The following IL13RA2 variants were observed in gnomAD, a reference collection of about 807,000 sequenced individuals.
IL13RA2 encodes interleukin-13 receptor subunit alpha-2.
In IL13RA2, 25 loss-of-function variants were observed where a neutral mutation model predicts 34.1. The observed-to-expected ratio is 0.73, with a 90% CI of 0.53 to 1.03. The LOEUF is 1.03. Ranked by LOEUF, IL13RA2 falls within the 50% of genes least tolerant of loss-of-function variation. The pLI is 0.00. For synonymous variants in IL13RA2, 106 were observed against 100.4 expected (o/e 1.06, Z -0.33); for missense variants, 297 against 280.9 (o/e 1.06, Z -0.41).
intron 8 of IL13RA2, among the ~76,000 whole-genome samples, chrX:115,006,749 CATGTAAAAT>C (rs1556507706): frequency 8.9e-6 from 1 of 111,831 alleles, no homozygotes. Flanking sequence ...GATAAGATTG[CATGTAAAAT>C]ACAGAAAAGA....
At chrX:115,010,519 GTCTC>G in intron 6 of IL13RA2, 121 bp downstream of exon 6, 1 of 387,987 alleles carries the variant, frequency 2.6e-6, no homozygotes, top group Non-Finnish European at 4.6e-6. Flanking sequence ...ATAGGTCTCT[GTCTC>G]TCTCTCTGTC....
At position 115,009,520 on chromosome X, in the gene IL13RA2, C is replaced by G; in HGVS notation, c.852+1G>C. ...TTCCCAAATAAATGCAATATTCATA[C>G]CACCAAGGTAGTATCATCTTCTCTG... On this transcript the variant is annotated splice_donor_variant, in intron 7 of 9. Transcript: ENST00000243213. LOFTEE classifies it high-confidence loss of function. 1 of 1,190,309 alleles carries G rather than the reference C, an allele frequency of 8.4e-7. No homozygotes were observed. The highest frequency in any genetic ancestry group is 1.1e-6 in the Non-Finnish European group (1 of 877,408).
chrX:115,009,393 G>T, intron 7 of IL13RA2, 128 bp downstream of exon 7: 1 of 478,452 alleles, frequency 2.1e-6, no homozygotes. Flanking sequence ...TGGCTTTCTG[G>T]AAATTGAACT....
At chrX:115,014,274 A>C in intron 4 of IL13RA2, 147 bp downstream of exon 4, 1 of 473,636 alleles carries the variant, frequency 2.1e-6, no homozygotes. Context: ...TTAAAAGGCT[A>C]ATCACCAACT....
At chrX:115,015,323 C>T (rs1219459725) in intron 3 of IL13RA2, among the ~76,000 whole-genome samples, 2 of 111,841 alleles carry the variant, frequency 1.8e-5, no homozygotes, top group Non-Finnish European at 3.8e-5. Flanking sequence ...TAGAAAAGGT[C>T]ACAGGTCAGT....
Position 115,010,757 on chromosome X carries a change from C to A in IL13RA2, c.593G>T (p.Arg198Ile). 1 of 1,111,691 alleles carries A rather than the reference C, an allele frequency of 9.0e-7. No individual in the cohort carries two copies. The highest frequency in any genetic ancestry group is 1.2e-6 in the Non-Finnish European group (1 of 811,519). 91.6% of individuals were successfully genotyped at this position (1,111,691 alleles called of 1,213,427 possible). Reference sequence around the variant, plus strand: ...GTCTGATGCCTCCAAATAGGGAAATCTGCATCCTATATTTTGTCCATCAGC... The same window carrying A: ...GTCTGATGCCTCCAAATAGGGAAATATGCATCCTATATTTTGTCCATCAGC... ...IKADGQNIGC[R>I]FPYLEASDYK... Residue 198 changes from arginine to isoleucine, a missense_variant, in exon 6 of 10, where the codon AGA (arginine) becomes ATA (isoleucine). Transcript: ENST00000243213.
chrX:115,015,582 T>C, intron 3 of IL13RA2, 88 bp downstream of exon 3: 1 of 795,816 alleles, frequency 1.3e-6, no homozygotes, highest in Non-Finnish European at 1.9e-6. Flanking sequence ...ACTATTGAGA[T>C]ATGGGAATTG....
intron 8 of IL13RA2, among the ~76,000 whole-genome samples, chrX:115,007,338 A>G (rs184032701): frequency 8.9e-6 from 1 of 111,987 alleles, no homozygotes; most frequent in East Asian, 2.8e-4. Flanking sequence ...ATTTCCTTCA[A>G]TTTTGAACAT....
Position 115,009,597 on chromosome X carries a change from C to G in IL13RA2, c.776G>C (p.Ser259Thr), listed in dbSNP as rs782010711. Residue 259 changes from serine (S) to threonine (T), a missense_variant, in exon 7 of 10, where the codon AGC becomes ACC. By Grantham distance (58) the Ser-to-Thr change is moderately conservative (BLOSUM62 1). Coordinates refer to ENST00000243213, the MANE Select transcript of IL13RA2 (RefSeq NM_000640.3). ...TGCTGGAATAGGTCCCAAAGGTATG[C>G]TCCATTTCAGCTTAATTTCACATGA... is the stretch of plus-strand genomic sequence containing the variant. Reference protein sequence around the residue: ...ESSCEIKLKWSIPLGPIPARC... With the variant: ...ESSCEIKLKWTIPLGPIPARC... 1 of 1,194,715 alleles carries G rather than the reference C, an allele frequency of 8.4e-7. No individual in the cohort carries two copies. Among genetic ancestry groups the G allele is most frequent in the South Asian group, 1.8e-5 (1 of 56,474 alleles).
At chrX:115,014,694 C>T in intron 3 of IL13RA2, 120 bp from the exon 4 acceptor site, 1 of 390,147 alleles carries the variant, frequency 2.6e-6, no homozygotes, top group Non-Finnish European at 4.3e-6. Context: ...TAAGACAATC[C>T]TAGAGACTAT....
chrX:115,010,296 C>T (rs1249696244), intron 6 of IL13RA2, among the ~76,000 whole-genome samples: 1 of 111,575 alleles, frequency 9.0e-6, no homozygotes, highest in Non-Finnish European at 1.9e-5. Context: ...TCTATTGAGG[C>T]CTGGGAAGAA....
chrX:115,014,850 A>G lies in IL13RA2; in HGVS notation c.247-276T>C, dbSNP rs184714863. ...AAAAAAACTTTATGGCAGAAACTTG[A>G]GCTATATCTGCTTGGAATCAAATAG... On this transcript the variant is annotated intron_variant, in intron 3 of 9. Transcript: ENST00000243213. Among the ~76,000 whole-genome samples the G allele has an allele frequency of 6.3e-5, 7 of 111,528 alleles. No individual in the cohort carries two copies. The East Asian group carries it at 2.0e-3, about 31-fold the overall frequency.
intron 9 of IL13RA2, 82 bp from the exon 10 acceptor site, chrX:115,004,188 A>G (rs2071676032): frequency 5.6e-6 from 3 of 534,826 alleles, no homozygotes; most frequent in Non-Finnish European, 9.7e-6. Context: ...GAGAATAAGC[A>G]CAAGAGCATT....
At chrX:115,017,335 T>A (rs782061287) in intron 1 of IL13RA2, 33 bp from the exon 2 acceptor site, 1 of 582,907 alleles carries the variant, frequency 1.7e-6, no homozygotes, top group East Asian at 3.4e-5. Flanking sequence ...TTTAACTTTA[T>A]CTTACATCAA....
At chrX:115,006,682 C>CA (rs1556507683) in intron 8 of IL13RA2, among the ~76,000 whole-genome samples, 1 of 110,514 alleles carries the variant, frequency 9.0e-6, no homozygotes. Flanking sequence ...GACTCTGTAC[C>CA]AAAAAAAGGA....
At position 115,005,213 on chromosome X, in the gene IL13RA2, T is replaced by G; in HGVS notation, c.1100A>C (p.Asn367Thr). The G allele has an allele frequency of 1.0e-6, 1 of 994,870 alleles. No individual in the cohort carries two copies. The highest frequency in any genetic ancestry group is 1.4e-6 in the Non-Finnish European group (1 of 697,310). The allele number at this position is 994,870 out of a possible 1,213,427, so 82.0% of individuals were successfully genotyped here. Reference protein sequence around the residue: ...FVTGLLLRKPNTYPKMIPEFF... With the variant: ...FVTGLLLRKPTTYPKMIPEFF... Reference sequence around the variant, plus strand: ...ACATCTTACCATTTTTGGGTAGGTGTTTGGCTTACGCAAAAGCAGACCGGT... The same window carrying G: ...ACATCTTACCATTTTTGGGTAGGTGGTTGGCTTACGCAAAAGCAGACCGGT... Residue 367 changes from asparagine (N) to threonine (T), a missense_variant, in exon 9 of 10, where the codon AAC becomes ACC. Coordinates refer to ENST00000243213, the MANE Select transcript of IL13RA2 (RefSeq NM_000640.3).
At chrX:115,015,563 C>T in intron 3 of IL13RA2, 107 bp downstream of exon 3, 1 of 696,909 alleles carries the variant, frequency 1.4e-6, no homozygotes, top group South Asian at 2.5e-5. Flanking sequence ...TTTTTATATC[C>T]TAATTAGAAC....
At chrX:115,008,138 A>G (rs1245387237) in intron 7 of IL13RA2, 62 bp from the exon 8 acceptor site, 22 of 732,225 alleles carry the variant, frequency 3.0e-5, no homozygotes, top group African/African-American at 6.4e-5. Flanking sequence ...GACAGATTCC[A>G]TATCTGTCCC....
chrX:115,014,508 T>C lies in IL13RA2; in HGVS notation c.313A>G (p.Ile105Val). ...CATTGCCATGGTAAAAGCGTGTGTA[T>C]CTTCGCTTCAATGCCCTTGTTAAGA... The part of the protein sequence containing the change: ...FDLNKGIEAK[I>V]HTLLPWQCTN... The change falls in exon 4 of 10, where the codon ATA (isoleucine) becomes GTA (valine). Residue 105 changes from isoleucine (I) to valine (V), a missense_variant. Transcript: ENST00000243213. The C allele has an allele frequency of 8.4e-7, 1 of 1,191,269 alleles. No homozygotes were observed. Among genetic ancestry groups the C allele is most frequent in the African/African-American group, 1.7e-5 (1 of 57,574 alleles).
Sources: gnomAD v4.1 joint callset for allele counts (sites outside exome capture counted in the v4.1 genomes callset) on GRCh38, gnomAD v4.1.1 for gene constraint, MANE v1.5 for transcripts, NCBI Gene and HGNC (gene_info 2026-07-23, HGNC 2026-07-21) for gene names.